Variants in ZDHHC17 observed in about 807,000 individuals in gnomAD.
ZDHHC17 encodes the protein zDHHC palmitoyltransferase 17.
A neutral mutation model predicts 90.3 loss-of-function variants in ZDHHC17; 40 were observed. The ratio of observed to expected loss-of-function variants is 0.44; its 90% CI spans 0.34 to 0.58. The LOEUF is 0.58. Among genes scored for constraint, ZDHHC17 ranks in the 20% least tolerant of loss-of-function variants. The probability of loss-of-function intolerance (pLI) is 0.01; values close to 1 mark genes in which losing one functional copy is unlikely to be tolerated. For synonymous variants in ZDHHC17, 235 were observed against 252.4 expected (o/e 0.93, Z 0.65); for missense variants, 614 against 780.8 (o/e 0.79, Z 2.55).
In ZDHHC17 at chr12:76,822,440, A is replaced by G. The variant is rs1392752786; in HGVS notation, c.806A>G (p.Lys269Arg). Residue 269 changes from lysine (K) to arginine (R), a missense_variant, in exon 8 of 17, where the codon AAA (lysine) becomes AGA (arginine). Transcript: ENST00000426126. The part of the protein sequence containing the change: ...ESALDLAKQR[K>R]NVWMINHLQE... ...GCGCTTGATTTGGCAAAACAGAGAAAAAATGTGTGGATGATCAACCACTTA... is the reference window on the plus strand; with the variant it reads ...GCGCTTGATTTGGCAAAACAGAGAAGAAATGTGTGGATGATCAACCACTTA... The G allele has an allele frequency of 6.2e-7, 1 of 1,613,988 alleles. No homozygotes were observed. Among genetic ancestry groups the G allele is most frequent in the Non-Finnish European group, 8.5e-7 (1 of 1,179,880 alleles).
At chr12:76,777,520 CA>C (rs1215440365) in intron 1 of ZDHHC17, among the ~76,000 whole-genome samples, 1 of 152,158 alleles carries the variant, frequency 6.6e-6, no homozygotes, top group African/African-American at 2.4e-5. Flanking sequence ...TTCATGTAAA[CA>C]TAAATTTTGA....
rs553587190 is a variant in ZDHHC17, at chr12:76,835,650, A to G, written c.1142-6332A>G. Among the ~76,000 whole-genome samples, 9 of 152,116 alleles carry G rather than the reference A, an allele frequency of 5.9e-5. No homozygotes were observed. The South Asian group carries it at 1.0e-3, about 18-fold the overall frequency. On this transcript the variant is annotated intron_variant, in intron 10 of 16. Transcript: ENST00000426126. ...TTTCTAATAACTTGGGGTATTTTGGATATATGACATGGGGTAATCATATGT... is the reference window on the plus strand; with the variant it reads ...TTTCTAATAACTTGGGGTATTTTGGGTATATGACATGGGGTAATCATATGT...
intron 10 of ZDHHC17, among the ~76,000 whole-genome samples, chr12:76,836,500 A>G (rs1953365082): frequency 6.6e-6 from 1 of 151,960 alleles, no homozygotes; most frequent in African/African-American, 2.4e-5. Flanking sequence ...CAAAGAAACA[A>G]CTTTAGGTTT....
intron 1 of ZDHHC17, among the ~76,000 whole-genome samples, chr12:76,780,011 T>C (rs1952604087): frequency 6.6e-6 from 1 of 152,336 alleles, no homozygotes; most frequent in Admixed American, 6.5e-5. Flanking sequence ...TTGATTTATG[T>C]ATTCCTCAGC....
chr12:76,776,405 C>T (rs956660905), intron 1 of ZDHHC17, among the ~76,000 whole-genome samples: 1 of 152,144 alleles, frequency 6.6e-6, no homozygotes, highest in East Asian at 1.9e-4. Flanking sequence ...TCACTCCTCA[C>T]AGGTAAATAC....
chr12:76,809,370 A>T (rs958528941), intron 4 of ZDHHC17, among the ~76,000 whole-genome samples: 2 of 152,108 alleles, frequency 1.3e-5, no homozygotes, highest in Non-Finnish European at 2.9e-5. Context: ...TGGATTTCTA[A>T]ACGTAATATT....
chr12:76,811,954 A>G (rs1250803263), intron 5 of ZDHHC17, among the ~76,000 whole-genome samples: 2 of 152,186 alleles, frequency 1.3e-5, no homozygotes, highest in Non-Finnish European at 2.9e-5. Flanking sequence ...GTACAAAATT[A>G]TTTAAAATAT....
rs543409512 is a variant in ZDHHC17 at position 76,783,455 on chromosome 12, G to T, written c.94-13979G>T. Among the ~76,000 whole-genome samples, 202 of 152,282 alleles carry T rather than the reference G, an allele frequency of 1.3e-3. 1 individual carries two copies. Among genetic ancestry groups the T allele is most frequent in the Non-Finnish European group, 2.4e-3 (166 of 68,022 alleles). ...TATGAAACCATCAGATCTCATAACTGTCTATTTATGAACTCACTATCATGA... is the reference window on the plus strand; with the variant it reads ...TATGAAACCATCAGATCTCATAACTTTCTATTTATGAACTCACTATCATGA... On this transcript the variant is annotated intron_variant, in intron 1 of 16. Transcript: ENST00000426126.
intron 8 of ZDHHC17, among the ~76,000 whole-genome samples, chr12:76,824,080 T>TA (rs1953199403): frequency 6.7e-6 from 1 of 149,582 alleles, no homozygotes; most frequent in Non-Finnish European, 1.5e-5. Context: ...AAGTTTTATT[T>TA]TATATATGTA....
intron 11 of ZDHHC17, among the ~76,000 whole-genome samples, chr12:76,842,644 G>A (rs7968108): frequency 0.61 from 92,817 of 151,934 alleles, 28,410 homozygotes; most frequent in East Asian, 0.67. Context: ...TCTAAAAACA[G>A]GACAAATTTT....
At chr12:76,788,345 A>G (rs1251483689) in intron 1 of ZDHHC17, among the ~76,000 whole-genome samples, 1 of 152,216 alleles carries the variant, frequency 6.6e-6, no homozygotes, top group Admixed American at 6.5e-5. Context: ...GTACAGTTCA[A>G]CTTTGTACCT....
At chr12:76,843,256 T>TA (rs1293128264) in intron 12 of ZDHHC17, among the ~76,000 whole-genome samples, 4 of 152,170 alleles carry the variant, frequency 2.6e-5, no homozygotes, top group Non-Finnish European at 5.9e-5. Flanking sequence ...AATTAAAAAC[T>TA]AAGTAATAAA....
chr12:76,805,296 C>A (rs376379299), intron 2 of ZDHHC17, 21 bp from the exon 3 acceptor site: 379 of 1,563,010 alleles, frequency 2.4e-4, no homozygotes, highest in Non-Finnish European at 3.2e-4. Flanking sequence ...ATAACAATGC[C>A]ATATTTTCTT....
At position 76,805,390 on chromosome 12, in the gene ZDHHC17, G is replaced by A; in HGVS notation, c.271G>A (p.Val91Ile). ...YDVRQPDKEN[V>I]TLLHWAAINN... Reference sequence around the variant, plus strand: ...TGTACGGCAACCGGACAAAGAAAATGTTACCCTCCTCCATTGGGCTGCCAT... The same window carrying A: ...TGTACGGCAACCGGACAAAGAAAATATTACCCTCCTCCATTGGGCTGCCAT... The change falls in exon 3 of 17, where the codon GTT becomes ATT. Residue 91 changes from valine to isoleucine, a missense_variant. Physicochemically the swap from Val to Ile is conservative, Grantham distance 29. Around this residue, in one of 5 missense-constraint regions of ZDHHC17, gnomAD observed 358 missense variants for 380.4 expected, o/e 0.94. Transcript: ENST00000426126. The A allele has an allele frequency of 6.2e-7, 1 of 1,601,476 alleles. No homozygotes were observed. Among genetic ancestry groups the A allele is most frequent in the Non-Finnish European group, 8.5e-7 (1 of 1,172,752 alleles).
intron 1 of ZDHHC17, among the ~76,000 whole-genome samples, chr12:76,784,283 A>T (rs1952661448): frequency 6.6e-6 from 1 of 152,198 alleles, no homozygotes; most frequent in Non-Finnish European, 1.5e-5. Flanking sequence ...ATTAAGGAGG[A>T]TAAGACATCA....
chr12:76,790,362 C>T (rs1420793592), intron 1 of ZDHHC17, among the ~76,000 whole-genome samples: 1 of 151,950 alleles, frequency 6.6e-6, no homozygotes, highest in Non-Finnish European at 1.5e-5. Context: ...ATTAGCTGGG[C>T]TTAGTGGCAC....
At chr12:76,816,105 A>C in intron 7 of ZDHHC17, 86 bp downstream of exon 7, 1 of 1,135,062 alleles carries the variant, frequency 8.8e-7, no homozygotes, top group Non-Finnish European at 1.2e-6. Context: ...ATAGACTGTC[A>C]GAGTTGAAAG....
intron 16 of ZDHHC17, among the ~76,000 whole-genome samples, chr12:76,850,503 G>A (rs1765521966): frequency 6.6e-6 from 1 of 152,064 alleles, no homozygotes; most frequent in South Asian, 2.1e-4. Flanking sequence ...AGGATTGCTT[G>A]AGCCCAGAGT....
chr12:76,817,320 T>G (rs1012490868), intron 7 of ZDHHC17, among the ~76,000 whole-genome samples: 16 of 152,116 alleles, frequency 1.1e-4, no homozygotes, highest in Non-Finnish European at 2.1e-4. Context: ...TCATGTTTTT[T>G]TATCTGAATT....
Sources: gnomAD v4.1 joint callset for allele counts (sites outside exome capture counted in the v4.1 genomes callset) on GRCh38, gnomAD v4.1.1 for gene constraint, gnomAD v4.1.1 regional missense constraint, MANE v1.5 for transcripts, NCBI Gene and HGNC (gene_info 2026-07-23, HGNC 2026-07-21) for gene names.